Variants in PTPRT observed in about 807,000 individuals in gnomAD.
PTPRT encodes protein tyrosine phosphatase receptor type T.
Under a neutral mutation model 176.8 loss-of-function variants are expected in PTPRT, and 56 were observed. That is an observed-to-expected ratio of 0.32 (90% CI 0.26 to 0.40). The LOEUF (loss-of-function observed/expected upper bound fraction) is 0.40, where lower values mean the gene tolerates loss of function less well. PTPRT is among the 10% of genes least tolerant of loss of function. The pLI is 1.00. For synonymous variants in PTPRT, 783 were observed against 739.0 expected (o/e 1.06, Z -0.96); for missense variants, 1,540 against 1,908.2 (o/e 0.81, Z 3.60).
At chr20:42,889,993 A>G (rs2079165747) in intron 1 of PTPRT, among the ~76,000 whole-genome samples, 1 of 152,220 alleles carries the variant, frequency 6.6e-6, no homozygotes. Flanking sequence ...GCTCAGGGAA[A>G]TGACAACCAT....
intron 15 of PTPRT, among the ~76,000 whole-genome samples, chr20:42,223,875 C>A (rs918314046): frequency 2.6e-5 from 4 of 152,126 alleles, no homozygotes; most frequent in African/African-American, 9.7e-5. Flanking sequence ...TTTTCCCAAA[C>A]AGAATAAGCC....
At chr20:42,440,677 C>T (rs991886615) in intron 9 of PTPRT, among the ~76,000 whole-genome samples, 15 of 152,032 alleles carry the variant, frequency 9.9e-5, no homozygotes, top group Non-Finnish European at 1.6e-4. Context: ...CGGGGTTTCA[C>T]CGTGTTAGCC....
chr20:42,316,154 G>A (rs930551479), intron 11 of PTPRT, among the ~76,000 whole-genome samples, 158 bp from the exon 12 acceptor site: 11 of 152,136 alleles, frequency 7.2e-5, no homozygotes, highest in Admixed American at 3.9e-4. Context: ...AACCTACCAC[G>A]TTGTAGAACT....
intron 2 of PTPRT, among the ~76,000 whole-genome samples, chr20:42,832,172 T>C (rs1374554179): frequency 6.6e-6 from 1 of 152,232 alleles, no homozygotes; most frequent in South Asian, 2.1e-4. Context: ...ATATACACCA[T>C]GGAATACAAT....
At chr20:42,818,528 A>G (rs906834541) in intron 2 of PTPRT, among the ~76,000 whole-genome samples, 1 of 152,222 alleles carries the variant, frequency 6.6e-6, no homozygotes, top group Non-Finnish European at 1.5e-5. Context: ...ATAAAACTGG[A>G]TGGAGGATCA....
chr20:42,847,985 CT>C (rs1333995544), intron 2 of PTPRT, among the ~76,000 whole-genome samples: 4 of 152,140 alleles, frequency 2.6e-5, no homozygotes, highest in African/African-American at 2.4e-5. Flanking sequence ...CCTCACCCCC[CT>C]CCCACCCTTT....
intron 6 of PTPRT, among the ~76,000 whole-genome samples, chr20:42,700,815 T>C (rs1005967741): frequency 3.3e-5 from 5 of 152,090 alleles, no homozygotes; most frequent in Admixed American, 2.0e-4. Flanking sequence ...CTACTATAAC[T>C]GGAGATCTTA....
intron 7 of PTPRT, among the ~76,000 whole-genome samples, chr20:42,581,708 G>A (rs1474330669): frequency 1.3e-5 from 2 of 152,180 alleles, no homozygotes; most frequent in Non-Finnish European, 1.5e-5. Context: ...TATGAAAGGA[G>A]TTCTTGGGAA....
intron 7 of PTPRT, among the ~76,000 whole-genome samples, chr20:42,673,583 A>C (rs1229772922): frequency 6.6e-6 from 1 of 152,132 alleles, no homozygotes; most frequent in Non-Finnish European, 1.5e-5. Flanking sequence ...CAGCAGATTA[A>C]GTGTCTAGTG....
chr20:42,610,901 T>C (rs1326613750), intron 7 of PTPRT, among the ~76,000 whole-genome samples: 1 of 150,716 alleles, frequency 6.6e-6, no homozygotes, highest in African/African-American at 2.5e-5. Context: ...GTCTATAGAC[T>C]TACCTATTCT....
Position 42,601,052 on chromosome 20 carries a change from C to T in PTPRT, c.1153+76814G>A, listed in dbSNP as rs140934486. On this transcript the variant is annotated intron_variant, in intron 7 of 30. Transcript: ENST00000373187. The stretch of plus-strand genomic sequence containing the variant: ...TGCATCTCTCACACTACTCTGAGTT[C>T]GTAGGTTGCTGTGCCTTGTCTCAGT... 1.5e-3 allele frequency among the ~76,000 whole-genome samples: 231 copies of T among 152,266 alleles called. 2 individuals carry two copies. The highest frequency in any genetic ancestry group is 5.3e-3 in the African/African-American group (222 of 41,548).
At chr20:43,162,972 T>C (rs1272005707) in intron 1 of PTPRT, among the ~76,000 whole-genome samples, 1 of 152,172 alleles carries the variant, frequency 6.6e-6, no homozygotes, top group Non-Finnish European at 1.5e-5. Context: ...GTGAGCTCCT[T>C]GAGGACAGAA....
chr20:43,122,459 G>A (rs1347286766), intron 1 of PTPRT, among the ~76,000 whole-genome samples: 1 of 152,210 alleles, frequency 6.6e-6, no homozygotes, highest in Non-Finnish European at 1.5e-5. Flanking sequence ...TACGGTTTGG[G>A]TGTTTGTCCC....
chr20:42,745,611 G>A (rs1489336555), intron 6 of PTPRT, among the ~76,000 whole-genome samples: 1 of 152,224 alleles, frequency 6.6e-6, no homozygotes, highest in Non-Finnish European at 1.5e-5. Flanking sequence ...AGGCTCCAGT[G>A]ACTGGACAAA....
chr20:43,051,684 T>G (rs1483827177), intron 1 of PTPRT, among the ~76,000 whole-genome samples: 1 of 148,622 alleles, frequency 6.7e-6, no homozygotes, highest in Non-Finnish European at 1.5e-5. Flanking sequence ...TAAATCAAAT[T>G]CCTGTGTTTC....
chr20:42,750,684 T>C (rs1342159092), intron 6 of PTPRT, among the ~76,000 whole-genome samples: 1 of 152,140 alleles, frequency 6.6e-6, no homozygotes, highest in Admixed American at 6.5e-5. Context: ...GAAAGATTGG[T>C]TTAAAAATCA....
chr20:42,497,885 T>C (rs1035027529), intron 7 of PTPRT, among the ~76,000 whole-genome samples: 12 of 152,180 alleles, frequency 7.9e-5, no homozygotes, highest in African/African-American at 2.9e-4. Flanking sequence ...TTTCTATTCT[T>C]TTTTTATTTA....
rs113323547 is a variant in PTPRT at position 42,469,630 on chromosome 20, C to G, written c.1450+2636G>C. 7.2e-3 allele frequency among the ~76,000 whole-genome samples: 1,098 copies of G among 152,250 alleles called. 12 individuals are homozygous for G. Among genetic ancestry groups the G allele is most frequent in the African/African-American group, 0.025 (1,032 of 41,542 alleles). ...TTCTACCTGCTGGAGGAAGGGGCTACAGATTTCTGAAACAATGAAGTCAGA... is the reference window on the plus strand; with the variant it reads ...TTCTACCTGCTGGAGGAAGGGGCTAGAGATTTCTGAAACAATGAAGTCAGA... On this transcript the variant is annotated intron_variant, in intron 8 of 30. Coordinates refer to ENST00000373187, the MANE Select transcript of PTPRT (RefSeq NM_007050.6).
At chr20:42,248,971 T>G in intron 13 of PTPRT, 149 bp from the exon 14 acceptor site, 1 of 922,358 alleles carries the variant, frequency 1.1e-6, no homozygotes, top group Non-Finnish European at 1.6e-6. Context: ...TCCCATTTAA[T>G]AACTTCTGAG....
Sources: gnomAD v4.1 joint callset for allele counts (sites outside exome capture counted in the v4.1 genomes callset) on GRCh38, gnomAD v4.1.1 for gene constraint, MANE v1.5 for transcripts, NCBI Gene and HGNC (gene_info 2026-07-23, HGNC 2026-07-21) for gene names.